Variants in ABCG2 observed in about 807,000 individuals in gnomAD.
The protein encoded by ABCG2 is ATP binding cassette subfamily G member 2 (JR blood group).
Under a neutral mutation model 73.5 loss-of-function variants are expected in ABCG2, and 80 were observed. The ratio of observed to expected loss-of-function variants is 1.09; its 90% confidence interval spans 0.91 to 1.31. ABCG2 has a LOEUF of 1.31. Among genes scored for constraint, ABCG2 ranks in the 50% most tolerant of loss-of-function variants. The probability of loss-of-function intolerance (pLI) is 0.00; values close to 1 mark genes in which losing one functional copy is unlikely to be tolerated. For synonymous variants in ABCG2, 269 were observed against 282.4 expected (o/e 0.95, Z 0.48); for missense variants, 796 against 786.2 (o/e 1.01, Z -0.15).
At chr4:88,103,554 C>T (rs907219938) in intron 10 of ABCG2, among the ~76,000 whole-genome samples, 1 of 152,174 alleles carries the variant, frequency 6.6e-6, no homozygotes, top group South Asian at 2.1e-4. Flanking sequence ...ACACATCCAT[C>T]GTCTCAAACA....
At chr4:88,108,012 G>C (rs982235262) in intron 9 of ABCG2, among the ~76,000 whole-genome samples, 3 of 152,190 alleles carry the variant, frequency 2.0e-5, no homozygotes, top group African/African-American at 7.2e-5. Context: ...CAATGCTGCA[G>C]ACCTAAGCTG....
chr4:88,205,243 A>G (rs1450456192), intron 1 of ABCG2, among the ~76,000 whole-genome samples: 2 of 152,200 alleles, frequency 1.3e-5, no homozygotes, highest in Non-Finnish European at 2.9e-5. Context: ...TTCCCTACAA[A>G]ATCATTGAAA....
chr4:88,169,446 T>C (rs957305672), intron 1 of ABCG2, among the ~76,000 whole-genome samples: 1 of 152,208 alleles, frequency 6.6e-6, no homozygotes, highest in African/African-American at 2.4e-5. Context: ...TTCTTATCTT[T>C]ATGAGGATTC....
At chr4:88,202,360 A>ATGTAAATG (rs1729211940) in intron 1 of ABCG2, among the ~76,000 whole-genome samples, 1 of 114,378 alleles carries the variant, frequency 8.7e-6, no homozygotes. Context: ...TTATTTATAT[A>ATGTAAATG]TATATATATA....
chr4:88,153,184 G>C (rs1402197953), intron 1 of ABCG2, among the ~76,000 whole-genome samples: 1 of 149,642 alleles, frequency 6.7e-6, no homozygotes, highest in Non-Finnish European at 1.5e-5. Flanking sequence ...GATATCAGCT[G>C]TGGTGGCTTG....
At chr4:88,173,180 C>T (rs1007234186) in intron 1 of ABCG2, among the ~76,000 whole-genome samples, 3 of 152,164 alleles carry the variant, frequency 2.0e-5, no homozygotes, top group African/African-American at 7.2e-5. Context: ...AATTTTGAAA[C>T]ATCTCCAAAG....
At chr4:88,210,595 C>CT (rs11461199) in intron 1 of ABCG2, among the ~76,000 whole-genome samples, 83,406 of 146,124 alleles carry the variant, frequency 0.57, 24,969 homozygotes, top group African/African-American at 0.76. Flanking sequence ...TTTTTCTTTT[C>CT]TTTTTTTTTT....
intron 9 of ABCG2, among the ~76,000 whole-genome samples, chr4:88,109,605 C>A (rs1485398565): frequency 6.6e-6 from 1 of 152,126 alleles, no homozygotes; most frequent in South Asian, 2.1e-4. Context: ...TTCAGAAAAC[C>A]CTTGGCACCT....
At chr4:88,130,464 TTA>T (rs1282854862) in intron 5 of ABCG2, among the ~76,000 whole-genome samples, 2 of 152,058 alleles carry the variant, frequency 1.3e-5, no homozygotes, top group Non-Finnish European at 2.9e-5. Context: ...AATTATTTCA[TTA>T]TATATTACAA....
intron 1 of ABCG2, among the ~76,000 whole-genome samples, chr4:88,149,197 G>C (rs1041137902): frequency 6.6e-6 from 1 of 152,104 alleles, no homozygotes; most frequent in African/African-American, 2.4e-5. Flanking sequence ...GTCTGGGTGA[G>C]AGCAAGATCC....
In ABCG2 at chr4:88,099,452, T is replaced by A. The variant is rs925684217; in HGVS notation, c.1368-4A>T. The A allele has an allele frequency of 6.3e-7, 1 of 1,594,542 alleles. No individual in the cohort carries two copies. The highest frequency in any genetic ancestry group is 1.4e-5 in the African/African-American group (1 of 73,946). On this transcript the variant is annotated splice_polypyrimidine_tract_variant and splice_region_variant and intron_variant, in intron 11 of 15. Coordinates refer to ENST00000237612, the MANE Select transcript of ABCG2 (RefSeq NM_004827.3). ...GTATCCGCTGATGTATTCATGTCTA[T>A]AGAACAAAAATACGTATCATACATC...
At position 88,101,232 on chromosome 4, in the gene ABCG2, G is replaced by A; in HGVS notation, c.1365C>T (p.Phe455=). 1.2e-6 allele frequency: 2 copies of A among 1,613,946 alleles called. No individual in the cohort carries two copies. Among genetic ancestry groups the A allele is most frequent in the Non-Finnish European group, 1.7e-6 (2 of 1,179,916 alleles). ...TCCCAGAACAAAGACCTACTCACAT[G>A]AAGAGCTTCTTCTCTACCACAAAGA... is the stretch of plus-strand genomic sequence containing the variant. ...VELFVVEKKL[F]IHEYISGYYR... Residue 455 remains phenylalanine, a splice_region_variant and synonymous_variant, in exon 11 of 16, where the codon TTC becomes TTT. Transcript: ENST00000237612.
At chr4:88,208,629 C>A (rs1729467805) in intron 1 of ABCG2, among the ~76,000 whole-genome samples, 1 of 152,168 alleles carries the variant, frequency 6.6e-6, no homozygotes, top group Admixed American at 6.5e-5. Flanking sequence ...GAATCAAGCT[C>A]AAAAGCAGGG....
chr4:88,172,945 C>T (rs1727815628), intron 1 of ABCG2, among the ~76,000 whole-genome samples: 1 of 152,174 alleles, frequency 6.6e-6, no homozygotes, highest in Non-Finnish European at 1.5e-5. Context: ...GCTCAAGGCA[C>T]ACAGGGACTT....
At chr4:88,159,505 G>A (rs1578245364), upstream of ABCG2, among the ~76,000 whole-genome samples, 1 of 152,158 alleles carries the variant, frequency 6.6e-6, no homozygotes, top group South Asian at 2.1e-4. Flanking sequence ...GCAATATTCC[G>A]ATGGTGTGGA....
At chr4:88,132,543 A>G in intron 3 of ABCG2, 33 bp downstream of exon 3, 1 of 1,612,380 alleles carries the variant, frequency 6.2e-7, no homozygotes, top group South Asian at 1.1e-5. Flanking sequence ...AAAAGTGCAC[A>G]GAAAACGCTT....
At chr4:88,115,240 C>CTCTCTCTG (rs1367879831) in intron 7 of ABCG2, among the ~76,000 whole-genome samples, 182 bp from the exon 8 acceptor site, 22 of 76,550 alleles carry the variant, frequency 2.9e-4, no homozygotes, top group Admixed American at 3.3e-4. Context: ...CAGTCTCTCT[C>CTCTCTCTG]TCTCTCTCTC....
intron 2 of ABCG2, among the ~76,000 whole-genome samples, chr4:88,137,603 C>T (rs2110051732): frequency 6.6e-6 from 1 of 152,312 alleles, no homozygotes; most frequent in Non-Finnish European, 1.5e-5. Flanking sequence ...CCTACCACGA[C>T]CTTCATTACA....
intron 9 of ABCG2, among the ~76,000 whole-genome samples, chr4:88,110,839 C>T (rs79565967): frequency 0.015 from 2,215 of 152,146 alleles, 16 homozygotes; most frequent in Middle Eastern, 0.051. Flanking sequence ...ATATTGCCTA[C>T]TCCTGCCCTA....
Sources: gnomAD v4.1 joint callset for allele counts (sites outside exome capture counted in the v4.1 genomes callset) on GRCh38, gnomAD v4.1.1 for gene constraint, MANE v1.5 for transcripts, NCBI Gene and HGNC (gene_info 2026-07-23, HGNC 2026-07-21) for gene names.